The following MAGI2 variants were observed in gnomAD, a reference collection of about 807,000 sequenced individuals.
MAGI2 encodes the protein membrane-associated guanylate kinase, WW and PDZ domain-containing protein 2.
In MAGI2, 35 loss-of-function variants were observed where a neutral mutation model predicts 133.3. The ratio of observed to expected loss-of-function variants is 0.26; its 90% CI spans 0.20 to 0.35. The LOEUF (loss-of-function observed/expected upper bound fraction) is 0.35. Among genes scored for constraint, MAGI2 ranks in the 10% least tolerant of loss-of-function variants. The probability of loss-of-function intolerance (pLI) is 1.00; values close to 1 mark genes in which losing one functional copy is unlikely to be tolerated. For missense variants in MAGI2, 1,636 were observed against 1,863.4 expected, an observed-to-expected ratio of 0.88 and a Z score of 2.25; for synonymous variants, 729 against 710.6, an observed-to-expected ratio of 1.03 and a Z score of -0.41.
At chr7:78,977,468 AAAGAAAGAAAG>A in intron 2 of MAGI2, among the ~76,000 whole-genome samples, 1 of 216 alleles carries the variant, frequency 4.6e-3, no homozygotes, top group Non-Finnish European at 0.01. Flanking sequence ...ACAAAGAAAG[AAAGAAAGAAAG>A]AAAGAAAGAA....
At chr7:79,040,544 A>G (rs1362000683) in intron 1 of MAGI2, among the ~76,000 whole-genome samples, 1 of 152,126 alleles carries the variant, frequency 6.6e-6, no homozygotes, top group Non-Finnish European at 1.5e-5. Flanking sequence ...TGGTGTTGAT[A>G]TAGTTTGGTT....
chr7:78,606,883 C>T (rs1011332036), intron 3 of MAGI2, among the ~76,000 whole-genome samples: 2 of 152,074 alleles, frequency 1.3e-5, no homozygotes, highest in East Asian at 3.9e-4. Context: ...TCTACATGGG[C>T]TGTTTCTTCC....
rs772384861 is a variant in MAGI2 at position 78,255,936 on chromosome 7, G to A, written c.2047+7C>T. The A allele has an allele frequency of 6.2e-6, 10 of 1,613,070 alleles. No homozygotes were observed. Among genetic ancestry groups the A allele is most frequent in the Non-Finnish European group, 8.5e-6 (10 of 1,179,612 alleles). The stretch of plus-strand genomic sequence containing the variant: ...ATATTTTATTGCTGAGCCAGTGTTT[G>A]TCTTACCTCCTCGATGGATAATCAA... On this transcript the variant is annotated splice_region_variant and intron_variant, in intron 10 of 21. Coordinates refer to ENST00000354212, the MANE Select transcript of MAGI2 (RefSeq NM_012301.4).
intron 6 of MAGI2, among the ~76,000 whole-genome samples, chr7:78,371,306 G>A (rs996543): frequency 0.75 from 114,266 of 151,604 alleles, 43,187 homozygotes; most frequent in African/African-American, 0.79. Context: ...AATATACAGA[G>A]GACAGCAATT....
rs3050633 is a variant in MAGI2, at chr7:79,387,094, TTGTG to T, written c.301+65922_301+65925del. 3.7e-3 allele frequency among the ~76,000 whole-genome samples: 529 copies of T among 141,566 alleles called. 2 individuals carry two copies. The highest frequency in any genetic ancestry group is 0.029 in the East Asian group (137 of 4,752). 92.9% of individuals were successfully genotyped at this position (141,566 alleles called of 152,430 possible). A position where few individuals can be genotyped will look rare whatever the true frequency, so the allele number is the denominator to read the frequency against. On this transcript the variant is annotated intron_variant, in intron 1 of 21. Transcript: ENST00000354212. Reference sequence around the variant, plus strand: ...AGAGATGGCTCACAAATTTTTATGCTTGTGTGTGTGTGTGTGTGTGTGTGTGTGT... The same window carrying T: ...AGAGATGGCTCACAAATTTTTATGCTTGTGTGTGTGTGTGTGTGTGTGTGT...
chr7:78,053,727 A>G (rs554417523), intron 21 of MAGI2, among the ~76,000 whole-genome samples: 38 of 152,298 alleles, frequency 2.5e-4, no homozygotes, highest in African/African-American at 8.9e-4. Context: ...AGAAGTGCCC[A>G]TTTATTGGGG....
At chr7:78,221,838 A>G (rs1188285911) in intron 10 of MAGI2, among the ~76,000 whole-genome samples, 1 of 151,442 alleles carries the variant, frequency 6.6e-6, no homozygotes, top group African/African-American at 2.4e-5. Flanking sequence ...TTGTCTCTAT[A>G]TTGCCTAGGC....
At chr7:78,358,196 AATATATATATATATATATATATATAT>A (rs59745283) in intron 7 of MAGI2, 1 of 38,078 alleles carries the variant, frequency 2.6e-5, no homozygotes, top group South Asian at 1.4e-3. Context: ...AAAAAAAAAA[AATATATATATATATATATATATATAT>A]ATATATATGG....
At chr7:78,033,496 A>AAT (rs1809834071) in intron 21 of MAGI2, among the ~76,000 whole-genome samples, 1 of 149,378 alleles carries the variant, frequency 6.7e-6, no homozygotes, top group South Asian at 2.1e-4. Context: ...AAAAAAAGAA[A>AAT]AAAGAAACTA....
intron 6 of MAGI2, among the ~76,000 whole-genome samples, chr7:78,385,948 C>T (rs956976048): frequency 6.6e-6 from 1 of 151,374 alleles, no homozygotes; most frequent in Non-Finnish European, 1.5e-5. Flanking sequence ...GGAAGTAGTG[C>T]GATTATAGTA....
chr7:78,071,639 G>A (rs753182429), intron 21 of MAGI2, among the ~76,000 whole-genome samples: 28 of 152,134 alleles, frequency 1.8e-4, no homozygotes, highest in Non-Finnish European at 3.1e-4. Flanking sequence ...TTGCCTACAT[G>A]CTGCAGAGAG....
chr7:78,366,638 C>A (rs1793405433), intron 7 of MAGI2, among the ~76,000 whole-genome samples: 1 of 83,228 alleles, frequency 1.2e-5, no homozygotes, highest in Non-Finnish European at 3.3e-5. Context: ...TGGAAGATAT[C>A]CCCCATCTCA....
At chr7:79,007,547 T>C (rs1807582052) in intron 1 of MAGI2, among the ~76,000 whole-genome samples, 1 of 152,140 alleles carries the variant, frequency 6.6e-6, no homozygotes, top group South Asian at 2.1e-4. Flanking sequence ...TATTTACTCA[T>C]TTATTCATTC....
At chr7:78,657,277 ATACTAAACG>A (rs1326596006) in intron 2 of MAGI2, among the ~76,000 whole-genome samples, 1 of 152,184 alleles carries the variant, frequency 6.6e-6, no homozygotes, top group Non-Finnish European at 1.5e-5. Flanking sequence ...GTTTCTAATG[ATACTAAACG>A]TACTCTTAGC....
intron 2 of MAGI2, among the ~76,000 whole-genome samples, chr7:78,718,422 G>A (rs753311620): frequency 1.3e-5 from 2 of 152,018 alleles, no homozygotes; most frequent in Admixed American, 6.6e-5. Flanking sequence ...TGAGCAAAGC[G>A]TCATCTGTAT....
intron 2 of MAGI2, among the ~76,000 whole-genome samples, chr7:78,794,967 C>T (rs78898750): frequency 0.027 from 4,135 of 152,178 alleles, 201 homozygotes; most frequent in African/African-American, 0.094. Flanking sequence ...TGGGCTCAAG[C>T]GATTCTTCTA....
At chr7:79,123,701 G>T (rs370090576) in intron 1 of MAGI2, among the ~76,000 whole-genome samples, 2 of 141,096 alleles carry the variant, frequency 1.4e-5, no homozygotes, top group African/African-American at 2.6e-5. Context: ...CAGGAGAATC[G>T]CTTGAACCCG....
intron 1 of MAGI2, among the ~76,000 whole-genome samples, chr7:79,057,749 T>C (rs1030182097): frequency 6.6e-6 from 1 of 152,176 alleles, no homozygotes; most frequent in Non-Finnish European, 1.5e-5. Flanking sequence ...CCTGGCCTCA[T>C]GTGTAATTCA....
intron 1 of MAGI2, among the ~76,000 whole-genome samples, chr7:79,317,349 T>G (rs1432913105): frequency 6.6e-6 from 1 of 152,128 alleles, no homozygotes; most frequent in African/African-American, 2.4e-5. Flanking sequence ...GAAAGGCTTC[T>G]GATTTCCCCT....
Sources: allele counts gnomAD v4.1 joint callset (sites outside exome capture counted in the v4.1 genomes callset), GRCh38; gene constraint gnomAD v4.1.1; transcripts MANE v1.5; gene names NCBI Gene and HGNC (gene_info 2026-07-23, HGNC 2026-07-21).